The following ARHGAP24 variants were observed in gnomAD, a reference collection of about 807,000 sequenced individuals.
ARHGAP24 encodes the protein Rho GTPase activating protein 24, also known as rho GTPase-activating protein 24.
ARHGAP24 carries 50 observed loss-of-function variants against 76.4 expected under a neutral mutation model. That is an observed-to-expected ratio of 0.65 (90% CI 0.52 to 0.83). The LOEUF (loss-of-function observed/expected upper bound fraction) is 0.83, where lower values mean the gene tolerates loss of function less well. Among genes scored for constraint, ARHGAP24 ranks in the 40% least tolerant of loss-of-function variants. The pLI is 0.00. For synonymous variants in ARHGAP24, 345 were observed against 323.3 expected (o/e 1.07, Z -0.72); for missense variants, 930 against 914.2 (o/e 1.02, Z -0.22).
intron 3 of ARHGAP24, among the ~76,000 whole-genome samples, chr4:85,742,912 A>G (rs74696387): frequency 0.015 from 2,259 of 152,278 alleles, 49 homozygotes; most frequent in African/African-American, 0.051. Context: ...TAAAATGTAG[A>G]TATTTTGAAA....
In ARHGAP24 at chr4:85,874,845, TATAA is replaced by T. The variant is rs1309947176; in HGVS notation, c.269-48802_269-48799del. Among the ~76,000 whole-genome samples, 17 of 109,942 alleles carry T rather than the reference TATAA, an allele frequency of 1.5e-4. 1 individual carries two copies. Among genetic ancestry groups the T allele is most frequent in the Non-Finnish European group, 2.2e-4 (13 of 59,510 alleles). The allele number at this position is 109,942 out of a possible 152,430, so 72.1% of individuals were successfully genotyped here. On this transcript the variant is annotated intron_variant, in intron 3 of 9. Coordinates refer to ENST00000395184, the MANE Select transcript of ARHGAP24 (RefSeq NM_001025616.3). ...AATTTATATATAAAATATATTTTTATATAATTTATATATAAATATATTTTTATAT... is the reference window on the plus strand; with the variant it reads ...AATTTATATATAAAATATATTTTTATTTTATATATAAATATATTTTTATAT...
At chr4:85,842,257 A>ACT (rs1332150670) in intron 3 of ARHGAP24, among the ~76,000 whole-genome samples, 2 of 151,764 alleles carry the variant, frequency 1.3e-5, no homozygotes, top group African/African-American at 2.4e-5. Flanking sequence ...TGCAAATCCT[A>ACT]CTCTCTCTCT....
chr4:85,751,391 G>A (rs1726259976), intron 3 of ARHGAP24, among the ~76,000 whole-genome samples: 2 of 152,096 alleles, frequency 1.3e-5, no homozygotes, highest in African/African-American at 4.8e-5. Context: ...ATGTTGACAT[G>A]CTAGCTGACT....
intron 2 of ARHGAP24, among the ~76,000 whole-genome samples, chr4:85,715,187 T>C (rs573172949): frequency 1.3e-5 from 2 of 152,128 alleles, no homozygotes; most frequent in Non-Finnish European, 2.9e-5. Context: ...ATTAGATTGC[T>C]AATTAGAGGT....
At chr4:85,862,253 G>T (rs1426856107) in intron 3 of ARHGAP24, among the ~76,000 whole-genome samples, 1 of 151,994 alleles carries the variant, frequency 6.6e-6, no homozygotes, top group African/African-American at 2.4e-5. Context: ...GATTCATAGA[G>T]ACTCCAGCAC....
At chr4:85,499,615 A>G (rs13435178) in intron 1 of ARHGAP24, among the ~76,000 whole-genome samples, 5,461 of 152,316 alleles carry the variant, frequency 0.036, 324 homozygotes, top group African/African-American at 0.12. Context: ...GGCTCCTAGA[A>G]TATTAGCTAC....
chr4:85,912,104 T>C (rs1375301613), intron 3 of ARHGAP24, among the ~76,000 whole-genome samples: 2 of 152,226 alleles, frequency 1.3e-5, no homozygotes, highest in African/African-American at 4.8e-5. Flanking sequence ...AAGAGTTTAC[T>C]TGATGAAATC....
intron 3 of ARHGAP24, among the ~76,000 whole-genome samples, chr4:85,742,875 A>G (rs1258977580): frequency 1.3e-5 from 2 of 152,190 alleles, no homozygotes; most frequent in East Asian, 3.9e-4. Context: ...TAATTTCTGT[A>G]ATCTTTAGAA....
chr4:85,487,761 T>TTATATAATATATATTTATTATATAA (rs1723166674), intron 1 of ARHGAP24, among the ~76,000 whole-genome samples: 1 of 107,482 alleles, frequency 9.3e-6, no homozygotes, highest in African/African-American at 3.9e-5. Context: ...TTATTATATA[T>TTATATAATATATATTTATTATATAA]TATATAATAT....
Position 85,502,095 on chromosome 4 carries a change from T to C in ARHGAP24, c.-21+26536T>C, listed in dbSNP as rs556474152. ...CCATTGGTCTATATCTCTGTTTTGG[T>C]ACCAATACCATGCTATTTCGGTTAC... On this transcript the variant is annotated intron_variant, in intron 1 of 9. Transcript: ENST00000395184. Among the ~76,000 whole-genome samples, 14 of 152,340 alleles carry C rather than the reference T, an allele frequency of 9.2e-5. No individual in the cohort carries two copies. The South Asian group carries it at 2.9e-3, about 32-fold the overall frequency.
chr4:85,849,659 G>C (rs575707970), intron 3 of ARHGAP24, among the ~76,000 whole-genome samples: 29 of 152,248 alleles, frequency 1.9e-4, no homozygotes, highest in Middle Eastern at 3.4e-3. Context: ...TAGCATGAAG[G>C]GCTGTTGCAT....
At chr4:85,557,371 T>A (rs1726426722) in intron 1 of ARHGAP24, among the ~76,000 whole-genome samples, 1 of 152,208 alleles carries the variant, frequency 6.6e-6, no homozygotes, top group Admixed American at 6.5e-5. Context: ...ACTCCATGTG[T>A]GCTTGAGCAG....
At chr4:85,758,063 G>C (rs552451356) in intron 3 of ARHGAP24, among the ~76,000 whole-genome samples, 24 of 151,466 alleles carry the variant, frequency 1.6e-4, no homozygotes, top group African/African-American at 5.8e-4. Context: ...GAAGAAGGGG[G>C]AAAAAAAAGC....
chr4:85,753,163 G>T (rs1222630808), intron 3 of ARHGAP24, among the ~76,000 whole-genome samples: 1 of 152,144 alleles, frequency 6.6e-6, no homozygotes, highest in Non-Finnish European at 1.5e-5. Flanking sequence ...TGAAGCTATT[G>T]TTATACTGAT....
At chr4:85,632,898 G>A (rs1018478446) in intron 2 of ARHGAP24, among the ~76,000 whole-genome samples, 12 of 151,794 alleles carry the variant, frequency 7.9e-5, no homozygotes, top group African/African-American at 2.7e-4. Flanking sequence ...ATTACCCCAG[G>A]AACAGTATTA....
intron 8 of ARHGAP24, 28 bp from the exon 9 acceptor site, chr4:85,994,554 AT>A: frequency 2.5e-6 from 4 of 1,602,158 alleles, no homozygotes; most frequent in Non-Finnish European, 3.4e-6. Context: ...TGTCTCACTC[AT>A]GCTACTTTAT....
At chr4:85,722,572 A>G (rs1724994155) in intron 3 of ARHGAP24, 1 of 156,516 alleles carries the variant, frequency 6.4e-6, no homozygotes, top group Non-Finnish European at 1.4e-5. Flanking sequence ...AACTTTTGAA[A>G]CATCCTTTCG....
chr4:85,928,018 CAT>C (rs889899481), intron 4 of ARHGAP24, among the ~76,000 whole-genome samples: 2 of 152,092 alleles, frequency 1.3e-5, no homozygotes, highest in Non-Finnish European at 2.9e-5. Context: ...ATAAAATACT[CAT>C]ATGGGGCAGG....
At chr4:85,540,859 A>T (rs78368733) in intron 1 of ARHGAP24, among the ~76,000 whole-genome samples, 1 of 152,012 alleles carries the variant, frequency 6.6e-6, no homozygotes, top group Non-Finnish European at 1.5e-5. Context: ...GCTTAGAAGT[A>T]TTTTTTTACA....
Sources: allele counts gnomAD v4.1 joint callset (sites outside exome capture counted in the v4.1 genomes callset), GRCh38; gene constraint gnomAD v4.1.1; transcripts MANE v1.5; gene names NCBI Gene and HGNC (gene_info 2026-07-23, HGNC 2026-07-21).